Variants in SNTG2 observed in about 807,000 individuals in gnomAD.
The protein encoded by SNTG2 is syntrophin gamma 2.
SNTG2 carries 74 observed loss-of-function variants against 70.9 expected under a neutral mutation model. The observed-to-expected ratio is 1.04, with a 90% CI of 0.86 to 1.27. The LOEUF (loss-of-function observed/expected upper bound fraction) is 1.27. Among genes scored for constraint, SNTG2 ranks in the 50% most tolerant of loss-of-function variants. The pLI is 0.00. For missense variants in SNTG2, 717 were observed against 690.7 expected (o/e 1.04, Z -0.43); for synonymous variants, 278 against 273.8 (o/e 1.02, Z -0.15).
intron 16 of SNTG2, among the ~76,000 whole-genome samples, chr2:1,329,094 C>A (rs1204347099): frequency 6.6e-6 from 1 of 151,012 alleles, no homozygotes; most frequent in African/African-American, 2.4e-5. Flanking sequence ...GTTTTTTTTT[C>A]TTTTTTCTTT....
At chr2:1,083,434 T>G in intron 1 of SNTG2, 84 bp from the exon 2 acceptor site, 3 of 1,457,144 alleles carry the variant, frequency 2.1e-6, no homozygotes, top group Non-Finnish European at 2.9e-6. Flanking sequence ...AGGATTGTCT[T>G]GAGCAGGAGG....
chr2:1,303,298 TAATTAAAATGGAAACAA>T, intron 14 of SNTG2, among the ~76,000 whole-genome samples: 1 of 152,356 alleles, frequency 6.6e-6, no homozygotes, highest in African/African-American at 2.4e-5. Context: ...CAAAGAATGT[TAATTAAAATGGAAACAA>T]ATTTGAAATC....
chr2:954,188 G>A (rs536396022), intron 1 of SNTG2, among the ~76,000 whole-genome samples: 61 of 152,152 alleles, frequency 4.0e-4, no homozygotes, highest in Non-Finnish European at 7.8e-4. Context: ...GCGGACACAG[G>A]CAGGTGCTCG....
rs573897519 is a variant in SNTG2 at position 1,113,938 on chromosome 2, G to A, written c.325+15528G>A. On this transcript the variant is annotated intron_variant, in intron 4 of 16. Coordinates refer to ENST00000308624, the MANE Select transcript of SNTG2 (RefSeq NM_018968.4). ...CCCTTACAGTCCTTTGAGGAGGATC[G>A]TGTTTCCTAAGTGAAGTTTAACCCT... Among the ~76,000 whole-genome samples, 8 of 150,906 alleles carry A rather than the reference G, an allele frequency of 5.3e-5. No homozygotes were observed. In the East Asian group the frequency reaches 6.0e-4, roughly 11 times the overall value.
intron 9 of SNTG2, among the ~76,000 whole-genome samples, chr2:1,220,859 G>A (rs550566387): frequency 1.1e-4 from 16 of 152,246 alleles, no homozygotes; most frequent in African/African-American, 3.9e-4. Context: ...GCCCTGGGCC[G>A]CCCCCTCCAC....
At chr2:1,158,677 G>T (rs577118661) in intron 6 of SNTG2, among the ~76,000 whole-genome samples, 18 of 152,316 alleles carry the variant, frequency 1.2e-4, no homozygotes, top group Non-Finnish European at 1.0e-4. Context: ...GGGTGTGAGA[G>T]AATTAAAGGT....
intron 1 of SNTG2, among the ~76,000 whole-genome samples, chr2:1,045,640 A>G (rs1439314091): frequency 1.3e-5 from 2 of 152,126 alleles, no homozygotes; most frequent in Non-Finnish European, 2.9e-5. Flanking sequence ...TATTTGCCCA[A>G]AAGCCATTCA....
intron 8 of SNTG2, among the ~76,000 whole-genome samples, chr2:1,192,710 G>A (rs977772536): frequency 5.3e-5 from 8 of 152,054 alleles, no homozygotes; most frequent in African/African-American, 1.9e-4. Flanking sequence ...ACATACTAAG[G>A]TGACTTCTCG....
chr2:1,021,213 A>G (rs1164019941), intron 1 of SNTG2, among the ~76,000 whole-genome samples: 1 of 152,160 alleles, frequency 6.6e-6, no homozygotes, highest in African/African-American at 2.4e-5. Flanking sequence ...GGTGCACTAC[A>G]GTCAGTTACG....
intron 1 of SNTG2, among the ~76,000 whole-genome samples, chr2:992,318 T>G (rs925639550): frequency 6.6e-6 from 1 of 152,068 alleles, no homozygotes; most frequent in African/African-American, 2.4e-5. Flanking sequence ...GGATAGTAGG[T>G]ACAAAGGACA....
At position 1,208,493 on chromosome 2, in the gene SNTG2, C is replaced by T. The variant is rs373217973; in HGVS notation, c.592-610C>T. Among the ~76,000 whole-genome samples the T allele has an allele frequency of 1.1e-4, 16 of 152,280 alleles. No homozygotes were observed. In the East Asian group the frequency reaches 1.7e-3, roughly 17 times the overall value. On this transcript the variant is annotated intron_variant, in intron 8 of 16. Coordinates refer to ENST00000308624, the MANE Select transcript of SNTG2 (RefSeq NM_018968.4). ...GATCCTGTGGCCCAGAACCTACCTCCGACCCTTTCGTTGTTGGACTCTTGC... is the reference window on the plus strand; with the variant it reads ...GATCCTGTGGCCCAGAACCTACCTCTGACCCTTTCGTTGTTGGACTCTTGC...
At chr2:1,308,974 C>T (rs1002488443) in intron 15 of SNTG2, among the ~76,000 whole-genome samples, 9 of 152,172 alleles carry the variant, frequency 5.9e-5, no homozygotes, top group African/African-American at 1.9e-4. Flanking sequence ...GGGCGGATGC[C>T]AGGAATGTAC....
intron 4 of SNTG2, among the ~76,000 whole-genome samples, chr2:1,120,971 A>G (rs1331210937): frequency 6.6e-6 from 1 of 152,032 alleles, no homozygotes; most frequent in East Asian, 1.9e-4. Flanking sequence ...TATAGCACAC[A>G]TGGAACACAC....
intron 15 of SNTG2, 30 bp downstream of exon 15, chr2:1,308,616 C>G: frequency 6.6e-7 from 1 of 1,520,716 alleles, no homozygotes; most frequent in Non-Finnish European, 8.9e-7. Flanking sequence ...TCCATGCCGC[C>G]CCATTGCCAT....
intron 12 of SNTG2, 72 bp downstream of exon 12, chr2:1,247,515 C>A: frequency 9.3e-7 from 1 of 1,074,736 alleles, no homozygotes; most frequent in Non-Finnish European, 1.4e-6. Flanking sequence ...GGGAAAGCTA[C>A]ATCTGGTGTT....
intron 6 of SNTG2, among the ~76,000 whole-genome samples, chr2:1,154,353 G>T (rs1386003838): frequency 6.6e-6 from 1 of 152,324 alleles, no homozygotes; most frequent in Admixed American, 6.5e-5. Context: ...TAAGGCGAGC[G>T]GGATGGGACG....
At chr2:1,239,712 C>G (rs1676924539) in intron 10 of SNTG2, 26 bp from the exon 11 acceptor site, 2 of 1,612,222 alleles carry the variant, frequency 1.2e-6, no homozygotes, top group South Asian at 2.2e-5. Context: ...GGCTGTGGCC[C>G]TGACTCTTCT....
intron 7 of SNTG2, among the ~76,000 whole-genome samples, chr2:1,171,315 C>CTCAT (rs1671111487): frequency 6.6e-6 from 1 of 152,128 alleles, no homozygotes; most frequent in Non-Finnish European, 1.5e-5. Context: ...TACCTGTTAG[C>CTCAT]TCATTCAGTC....
At chr2:1,355,291 A>G (rs1668315478) in intron 16 of SNTG2, among the ~76,000 whole-genome samples, 2 of 152,148 alleles carry the variant, frequency 1.3e-5, no homozygotes. Context: ...TGTGCAGCTG[A>G]TCCCTGCGCC....
Sources: allele counts gnomAD v4.1 joint callset (sites outside exome capture counted in the v4.1 genomes callset), GRCh38; gene constraint gnomAD v4.1.1; transcripts MANE v1.5; gene names NCBI Gene and HGNC (gene_info 2026-07-23, HGNC 2026-07-21).